Variants in FREM2 observed in about 807,000 individuals in gnomAD.
The protein encoded by FREM2 is FRAS1-related extracellular matrix protein 2.
In FREM2, 119 loss-of-function variants were observed where a neutral mutation model predicts 219.9. That is an observed-to-expected ratio of 0.54 (90% CI 0.47 to 0.63). FREM2 has a LOEUF of 0.63. FREM2 is among the 30% of genes least tolerant of loss of function. The probability of loss-of-function intolerance (pLI) is 0.00; values close to 1 mark genes in which losing one functional copy is unlikely to be tolerated. For synonymous variants in FREM2, 1,562 were observed against 1,522.8 expected, an observed-to-expected ratio of 1.03 and a Z score of -0.60; for missense variants, 4,030 against 3,993.6, an observed-to-expected ratio of 1.01 and a Z score of -0.25.
At chr13:38,771,796 A>G (rs1464629791) in intron 4 of FREM2, among the ~76,000 whole-genome samples, 1 of 152,130 alleles carries the variant, frequency 6.6e-6, no homozygotes, top group Non-Finnish European at 1.5e-5. Context: ...ACCCAACTCT[A>G]TTTCTAGTTG....
intron 6 of FREM2, among the ~76,000 whole-genome samples, chr13:38,830,019 G>A (rs1454011101): frequency 6.6e-6 from 1 of 151,996 alleles, no homozygotes; most frequent in African/African-American, 2.4e-5. Context: ...AAATCTAGGG[G>A]ATGCCCTCAT....
chr13:38,791,920 A>T (rs1332462870), intron 6 of FREM2, among the ~76,000 whole-genome samples: 1 of 152,308 alleles, frequency 6.6e-6, no homozygotes, highest in Non-Finnish European at 1.5e-5. Flanking sequence ...TCATGTCTTC[A>T]TCTACTTTTA....
At chr13:38,865,500 T>G (rs897101496) in intron 16 of FREM2, among the ~76,000 whole-genome samples, 2 of 152,264 alleles carry the variant, frequency 1.3e-5, no homozygotes, top group African/African-American at 4.8e-5. Context: ...TATAATGCCC[T>G]TCCAGATTGA....
chr13:38,857,781 G>A, intron 12 of FREM2, 94 bp from the exon 13 acceptor site: 1 of 1,077,500 alleles, frequency 9.3e-7, no homozygotes. Flanking sequence ...ACGAGGCCAT[G>A]GGGTTGCCAG....
At position 38,883,083 on chromosome 13, in the gene FREM2, T is replaced by G. The variant is rs539188773; in HGVS notation, c.*2296T>G. On this transcript the variant is annotated 3_prime_UTR_variant, in exon 24 of 24. Transcript: ENST00000280481. ...CATTTCTATCCTATCCTACCAAATATTTATCCTTCTCTGTCCTCTATTCTC... is the reference window on the plus strand; with the variant it reads ...CATTTCTATCCTATCCTACCAAATAGTTATCCTTCTCTGTCCTCTATTCTC... The G allele has an allele frequency of 6.6e-6, 1 of 152,162 alleles. No individual in the cohort carries two copies. The highest frequency in any genetic ancestry group is 1.5e-5 in the Non-Finnish European group (1 of 68,020). 9.4% of individuals were successfully genotyped at this position (152,162 alleles called of 1,614,324 possible).
intron 6 of FREM2, among the ~76,000 whole-genome samples, chr13:38,786,564 A>G (rs536186297): frequency 1.1e-4 from 17 of 152,208 alleles, no homozygotes; most frequent in Admixed American, 6.5e-4. Context: ...CTAATAGCCC[A>G]TGCTAAATGC....
intron 23 of FREM2, among the ~76,000 whole-genome samples, chr13:38,880,056 GACA>G (rs1878485138): frequency 6.6e-6 from 1 of 152,166 alleles, no homozygotes; most frequent in Non-Finnish European, 1.5e-5. Context: ...CTCATTCTAT[GACA>G]ACAAGTATCA....
chr13:38,690,127 C>G lies in FREM2; in HGVS notation c.2783C>G (p.Thr928Ser). 1 of 1,614,184 alleles carries G rather than the reference C, an allele frequency of 6.2e-7. No homozygotes were observed. Among genetic ancestry groups the G allele is most frequent in the Non-Finnish European group, 8.5e-7 (1 of 1,180,038 alleles). The change falls in exon 1 of 24, where the codon ACT becomes AGT. Residue 928 changes from threonine (T) to serine (S), a missense_variant. Coordinates refer to ENST00000280481, the MANE Select transcript of FREM2 (RefSeq NM_207361.6). ...VSDRHHVVPI[T>S]LRVNVRPVDD... Reference sequence around the variant, plus strand: ...GACAGACATCATGTGGTGCCCATCACTCTCAGAGTAAATGTCCGGCCAGTG... The same window carrying G: ...GACAGACATCATGTGGTGCCCATCAGTCTCAGAGTAAATGTCCGGCCAGTG...
At chr13:38,703,868 T>A (rs545061736) in intron 2 of FREM2, among the ~76,000 whole-genome samples, 1 of 152,298 alleles carries the variant, frequency 6.6e-6, no homozygotes, top group Non-Finnish European at 1.5e-5. Context: ...TTCATATTAC[T>A]CAGAACAAAT....
chr13:38,869,787 T>A lies in FREM2; in HGVS notation c.7984-2955T>A, dbSNP rs907004639. 2.0e-5 allele frequency among the ~76,000 whole-genome samples: 3 copies of A among 152,186 alleles called. 1 individual carries two copies. Among genetic ancestry groups the A allele is most frequent in the African/African-American group, 7.2e-5 (3 of 41,448 alleles). ...AAAAAACACTTTAGATGCAAAATGG[T>A]TATTAAAGTTAAATTAAGTTCTTAG... On this transcript the variant is annotated intron_variant, in intron 16 of 23. Transcript: ENST00000280481.
intron 1 of FREM2, among the ~76,000 whole-genome samples, chr13:38,695,612 T>C (rs1012840739): frequency 7.2e-5 from 11 of 152,328 alleles, no homozygotes; most frequent in South Asian, 2.1e-4. Context: ...GGTGGGAACA[T>C]TGGAAGAGGG....
At position 38,857,967 on chromosome 13, in the gene FREM2, T is replaced by C. The variant is rs757592163; in HGVS notation, c.7149T>C (p.Tyr2383=). Residue 2383 remains tyrosine (Y), a synonymous_variant, in exon 13 of 24, where the codon TAT becomes TAC. Coordinates refer to ENST00000280481, the MANE Select transcript of FREM2 (RefSeq NM_207361.6). ...CTCAAATTGTATCCCTGTTGATGTA[T>C]GACGACACTTCCAAAGCTAAGGAGA... The part of the protein sequence containing the change: ...SVPQIVSLLM[Y]DDTSKAKESA... The C allele has an allele frequency of 8.7e-6, 14 of 1,613,988 alleles. No individual in the cohort carries two copies. The highest frequency in any genetic ancestry group is 1.2e-5 in the Non-Finnish European group (14 of 1,179,816).
At chr13:38,824,499 A>G (rs1876195554) in intron 6 of FREM2, among the ~76,000 whole-genome samples, 1 of 152,100 alleles carries the variant, frequency 6.6e-6, no homozygotes. Context: ...TAGAGTTATT[A>G]CTCAAATCAG....
Position 38,823,850 on chromosome 13 carries a change from G to A in FREM2, c.6020-22723G>A, listed in dbSNP as rs529786932. On this transcript the variant is annotated intron_variant, in intron 6 of 23. Coordinates refer to ENST00000280481, the MANE Select transcript of FREM2 (RefSeq NM_207361.6). Reference sequence around the variant, plus strand: ...AATATGGAAAGAAAAGGATGAAGATGCAAGAAAAAAGGTTGTGGCCCATAG... The same window carrying A: ...AATATGGAAAGAAAAGGATGAAGATACAAGAAAAAAGGTTGTGGCCCATAG... Among the ~76,000 whole-genome samples, 128 of 152,152 alleles carry A rather than the reference G, an allele frequency of 8.4e-4. 1 individual carries two copies. In the South Asian group the frequency reaches 0.014, roughly 17 times the overall value.
Position 38,736,164 on chromosome 13 carries a change from C to T in FREM2, c.5264-28140C>T, listed in dbSNP as rs74538987. Among the ~76,000 whole-genome samples the T allele has an allele frequency of 1.8e-3, 270 of 152,298 alleles. 1 individual carries two copies. The highest frequency in any genetic ancestry group is 6.3e-3 in the African/African-American group (263 of 41,558). On this transcript the variant is annotated intron_variant, in intron 2 of 23. Coordinates refer to ENST00000280481, the MANE Select transcript of FREM2 (RefSeq NM_207361.6). ...TGCCTCAGAGGCTCACTTAATGATACAAGGTATCTCAAACCTTGAAAGATA... is the reference window on the plus strand; with the variant it reads ...TGCCTCAGAGGCTCACTTAATGATATAAGGTATCTCAAACCTTGAAAGATA...
chr13:38,724,379 A>G (rs748357528), intron 2 of FREM2, among the ~76,000 whole-genome samples: 4 of 152,212 alleles, frequency 2.6e-5, no homozygotes, highest in Non-Finnish European at 5.9e-5. Context: ...AACTTAACCA[A>G]TATTTCACAG....
At chr13:38,693,002 T>C (rs531303079) in intron 1 of FREM2, among the ~76,000 whole-genome samples, 1 of 152,378 alleles carries the variant, frequency 6.6e-6, no homozygotes, top group Non-Finnish European at 1.5e-5. Context: ...AGAGCATTGC[T>C]CTGACACGGT....
chr13:38,811,658 G>A (rs1875480671), intron 6 of FREM2, among the ~76,000 whole-genome samples: 2 of 152,050 alleles, frequency 1.3e-5, no homozygotes, highest in Admixed American at 6.6e-5. Flanking sequence ...AGTGGTCAGA[G>A]AATATCCTTT....
chr13:38,751,106 G>A (rs1872736572), intron 2 of FREM2, among the ~76,000 whole-genome samples: 2 of 152,006 alleles, frequency 1.3e-5, no homozygotes, highest in Admixed American at 6.6e-5. Flanking sequence ...CAGTGAACAT[G>A]GGAATGCAGA....
Sources: allele counts gnomAD v4.1 joint callset (sites outside exome capture counted in the v4.1 genomes callset), GRCh38; gene constraint gnomAD v4.1.1; transcripts MANE v1.5; gene names NCBI Gene and HGNC (gene_info 2026-07-23, HGNC 2026-07-21).